The following SETD2 variants were observed in gnomAD, a reference collection of about 807,000 sequenced individuals.
SETD2 encodes the protein SET domain containing 2, histone lysine methyltransferase, also known as histone-lysine N-methyltransferase SETD2.
SETD2 carries 31 observed loss-of-function variants against 242.1 expected under a neutral mutation model. The ratio of observed to expected loss-of-function variants is 0.13; its 90% CI spans 0.10 to 0.17. SETD2 has a LOEUF of 0.17. Ranked by LOEUF, SETD2 falls within the 10% of genes least tolerant of loss-of-function variation. The probability of loss-of-function intolerance (pLI) is 1.00; values close to 1 mark genes in which losing one functional copy is unlikely to be tolerated. For missense variants in SETD2, 2,481 were observed against 3,046.3 expected (o/e 0.81, Z 4.37); for synonymous variants, 1,006 against 1,066.5 (o/e 0.94, Z 1.11).
intron 1 of SETD2, chr3:47,138,412 C>T (rs148035304): frequency 6.4e-6 from 1 of 156,140 alleles, no homozygotes; most frequent in East Asian, 1.9e-4. Flanking sequence ...GCTGGGATTA[C>T]AGGTGTTATT....
chr3:47,091,260 C>G (rs2041792151), intron 9 of SETD2, among the ~76,000 whole-genome samples: 1 of 152,126 alleles, frequency 6.6e-6, no homozygotes, highest in Non-Finnish European at 1.5e-5. Flanking sequence ...ATTCTACTTT[C>G]CCCCTCAACT....
At chr3:47,164,827 C>T (rs75337117), upstream of SETD2, among the ~76,000 whole-genome samples, 1 of 152,214 alleles carries the variant, frequency 6.6e-6, no homozygotes, top group East Asian at 1.9e-4. The surrounding 1 kb of genome is among the most constrained non-coding windows in gnomAD (Gnocchi z 5.4). Context: ...GCTCTGCCCC[C>T]ACCCGAAGTC....
intron 13 of SETD2, among the ~76,000 whole-genome samples, chr3:47,064,922 C>T (rs902854927): frequency 6.6e-6 from 1 of 151,860 alleles, no homozygotes; most frequent in African/African-American, 2.4e-5. Context: ...AGAAAAGAGG[C>T]TACTCCCTGA....
At chr3:47,158,360 A>AC (rs2047225104) in intron 1 of SETD2, among the ~76,000 whole-genome samples, 1 of 152,040 alleles carries the variant, frequency 6.6e-6, no homozygotes, top group African/African-American at 2.4e-5. Context: ...TTATACACAG[A>AC]TTTTTTTCAA....
intron 9 of SETD2, among the ~76,000 whole-genome samples, chr3:47,090,978 G>A (rs1490818288): frequency 6.6e-6 from 1 of 152,002 alleles, no homozygotes; most frequent in Non-Finnish European, 1.5e-5. Context: ...TAAAGAACAA[G>A]AATAAATGAG....
intron 1 of SETD2, among the ~76,000 whole-genome samples, chr3:47,160,119 C>T (rs1697445538): frequency 6.6e-6 from 1 of 152,094 alleles, no homozygotes; most frequent in South Asian, 2.1e-4. Context: ...GAAATGCCTT[C>T]ACCCCAGTTA....
intron 15 of SETD2, among the ~76,000 whole-genome samples, chr3:47,056,043 AGT>A (rs2040052940): frequency 3.1e-5 from 4 of 129,064 alleles, no homozygotes; most frequent in Non-Finnish European, 4.9e-5. Flanking sequence ...AAAAAAAAAA[AGT>A]TCTGCCTTGT....
At chr3:47,072,712 G>A (rs1016140944) in intron 12 of SETD2, among the ~76,000 whole-genome samples, 4 of 151,970 alleles carry the variant, frequency 2.6e-5, no homozygotes, top group East Asian at 1.9e-4. Flanking sequence ...TTGGAAGGAC[G>A]AGGCAGGCAG....
At chr3:47,018,793 A>G (rs2038090956) in intron 19 of SETD2, among the ~76,000 whole-genome samples, 1 of 152,216 alleles carries the variant, frequency 6.6e-6, no homozygotes, top group Non-Finnish European at 1.5e-5. Flanking sequence ...CCTCATTTTC[A>G]ACAGCCCTCC....
chr3:47,081,206 T>C (rs1478833254), intron 12 of SETD2: 1 of 458,290 alleles, frequency 2.2e-6, no homozygotes, highest in Non-Finnish European at 2.9e-6. Context: ...ATTCCTATAG[T>C]CTGCCATCAC....
chr3:47,073,289 A>T (rs1243568886), intron 12 of SETD2, among the ~76,000 whole-genome samples: 10 of 152,232 alleles, frequency 6.6e-5, no homozygotes, highest in Admixed American at 5.2e-4. Context: ...CTTCAGGTAA[A>T]AGGCATTCTA....
At position 47,120,439 on chromosome 3, in the gene SETD2, T is replaced by G; in HGVS notation, c.4197A>C (p.Lys1399Asn). The G allele has an allele frequency of 1.2e-6, 2 of 1,613,262 alleles. No homozygotes were observed. Among genetic ancestry groups the G allele is most frequent in the East Asian group, 4.5e-5 (2 of 44,890 alleles). ...TCCTTTTTTTAAGAGGCCCTCTATC[T>G]TTGATATCATTTTTTTCTAAGTTTT... The part of the protein sequence containing the change: ...FSKNLEKNDI[K>N]DRGPLKKRRQ... The change falls in exon 3 of 21, where the codon AAA becomes AAC. Residue 1399 changes from lysine (K) to asparagine (N), a missense_variant. By Grantham distance (94) the Lys-to-Asn change is moderately conservative. Transcript: ENST00000409792.
chr3:47,161,869 C>T (rs962629314), intron 1 of SETD2, among the ~76,000 whole-genome samples: 1 of 150,930 alleles, frequency 6.6e-6, no homozygotes, highest in Non-Finnish European at 1.5e-5. Flanking sequence ...CATGATGACA[C>T]CACTGCACTC....
chr3:47,092,860 C>A (rs1184882383), intron 9 of SETD2, among the ~76,000 whole-genome samples: 1 of 152,076 alleles, frequency 6.6e-6, no homozygotes, highest in African/African-American at 2.4e-5. Flanking sequence ...CCTGTAGTGC[C>A]CCATGTACCT....
Position 47,057,056 on chromosome 3 carries a change from T to G in SETD2, c.6728A>C (p.Gln2243Pro). 6.2e-7 allele frequency: 1 copy of G among 1,614,274 alleles called. No homozygotes were observed. Among genetic ancestry groups the G allele is most frequent in the Non-Finnish European group, 8.5e-7 (1 of 1,180,050 alleles). The change falls in exon 15 of 21, where the codon CAG (glutamine) becomes CCG (proline). Residue 2243 changes from glutamine to proline, a missense_variant. Transcript: ENST00000409792. ...VEVSSSQYVA[Q>P]SDGVVHQDSS... is the part of the protein sequence containing the mutation. ...GTCTTGGTGTACTACACCATCACTC[T>G]GGGCCACATACTGGGAACTGGAAAC...
intron 8 of SETD2, among the ~76,000 whole-genome samples, chr3:47,099,618 T>TA (rs1559718352): frequency 1.3e-5 from 2 of 152,202 alleles, no homozygotes. Flanking sequence ...GTTTTATCTT[T>TA]TTGTTTTCTG....
At chr3:47,086,720 C>T (rs78042101) in intron 10 of SETD2, among the ~76,000 whole-genome samples, 4,955 of 151,338 alleles carry the variant, frequency 0.033, 238 homozygotes, top group East Asian at 0.13. Context: ...CCTCTTTTTC[C>T]TGTTAGTTTT....
At position 47,050,723 on chromosome 3, in the gene SETD2, C is replaced by CTTTTTTTTTTTTTTTTTTTT. The variant is rs775259096; in HGVS notation, c.6964-4122_6964-4103dup. On this transcript the variant is annotated intron_variant, in intron 15 of 20. Transcript: ENST00000409792. ...CTCAACCTGTATACATTTCCTCTCT[C>CTTTTTTTTTTTTTTTTTTTT]TTTTTTTTTTTTTTTTTTTTTTTTT... Among the ~76,000 whole-genome samples, 6 of 66,882 alleles carry CTTTTTTTTTTTTTTTTTTTT rather than the reference C, an allele frequency of 9.0e-5. 1 individual carries two copies. Among genetic ancestry groups the CTTTTTTTTTTTTTTTTTTTT allele is most frequent in the Non-Finnish European group, 1.0e-4 (4 of 38,392 alleles). 43.9% of individuals were successfully genotyped at this position (66,882 alleles called of 152,430 possible).
At position 47,083,736 on chromosome 3, in the gene SETD2, C is replaced by T. The variant is rs1366338930; in HGVS notation, c.6044G>A (p.Ser2015Asn). The T allele has an allele frequency of 5.6e-6, 9 of 1,609,262 alleles. No homozygotes were observed. The Admixed American group carries it at 1.0e-4, about 18-fold the overall frequency. Residue 2015 changes from serine to asparagine, a missense_variant, in exon 12 of 21, where the codon AGT becomes AAT. Ser to Asn is a conservative substitution (Grantham distance 46, BLOSUM62 1). Around this residue, in one of 17 missense-constraint regions of SETD2, gnomAD observed 2 missense variants for 20.0 expected, o/e 0.10. Transcript: ENST00000409792. The part of the protein sequence containing the change: ...ISDLATKLLD[S>N]WKDLKEVYRI... The stretch of plus-strand genomic sequence containing the variant: ...CTTCCTTACCTTTAGGTCTTTCCAA[C>T]TGTCCAGGAGTTTGGTGGCCAAATC...
Sources: gnomAD v4.1 joint callset for allele counts (sites outside exome capture counted in the v4.1 genomes callset) on GRCh38, gnomAD v4.1.1 for gene constraint, gnomAD v4.1.1 regional missense constraint, Gnocchi (gnomAD v3.1) non-coding constraint, MANE v1.5 for transcripts, NCBI Gene and HGNC (gene_info 2026-07-23, HGNC 2026-07-21) for gene names.